COL5A1: variants seen among roughly 807,000 people sequenced by gnomAD.
COL5A1 encodes the protein collagen type V alpha 1 chain.
COL5A1 carries 16 observed loss-of-function variants against 263.7 expected under a neutral mutation model. The ratio of observed to expected loss-of-function variants is 0.06; its 90% CI spans 0.04 to 0.09. The LOEUF (loss-of-function observed/expected upper bound fraction) is 0.09. Among genes scored for constraint, COL5A1 ranks in the 10% least tolerant of loss-of-function variants. COL5A1 has a pLI of 1.00. For synonymous variants in COL5A1, 1,012 were observed against 1,004.5 expected, an observed-to-expected ratio of 1.01 and a Z score of -0.14; for missense variants, 2,036 against 2,540.5, an observed-to-expected ratio of 0.80 and a Z score of 4.27.
At chr9:134,693,228 T>A (rs1833344586) in intron 2 of COL5A1, among the ~76,000 whole-genome samples, 1 of 151,950 alleles carries the variant, frequency 6.6e-6, no homozygotes, top group African/African-American at 2.4e-5. Flanking sequence ...TTTAACCAGA[T>A]GCTAGGTGAG....
intron 2 of COL5A1, among the ~76,000 whole-genome samples, chr9:134,694,036 A>G (rs1833376519): frequency 6.6e-6 from 1 of 152,234 alleles, no homozygotes; most frequent in South Asian, 2.1e-4. Flanking sequence ...TGGCCACGGC[A>G]AGGCCTGGGC....
In COL5A1 at chr9:134,695,471, C is replaced by CGA. The variant is rs200120810; in HGVS notation, c.277+4393_277+4394dup. 6.8e-3 allele frequency among the ~76,000 whole-genome samples: 1,040 copies of CGA among 152,320 alleles called. 23 individuals are homozygous for CGA. The South Asian group carries it at 0.069, about 10-fold the overall frequency. Reference sequence around the variant, plus strand: ...GCTGGACGAGGGTGGCAGGGACGGCCGAACAGGGTGCCAGCTGCAGGGGCA... The same window carrying CGA: ...GCTGGACGAGGGTGGCAGGGACGGCCGAGAACAGGGTGCCAGCTGCAGGGGCA... On this transcript the variant is annotated intron_variant, in intron 2 of 65. Transcript: ENST00000371817.
rs371003277 is a variant in COL5A1 at position 134,838,994 on chromosome 9, A to G, written c.5371-3163A>G. Reference sequence around the variant, plus strand: ...CCCAACCACAATTTGAAAAGTCACAACCGTCTCATTTAATTACGGAGGCTG... The same window carrying G: ...CCCAACCACAATTTGAAAAGTCACAGCCGTCTCATTTAATTACGGAGGCTG... On this transcript the variant is annotated intron_variant, in intron 65 of 65. Coordinates refer to ENST00000371817, the MANE Select transcript of COL5A1 (RefSeq NM_000093.5). Among the ~76,000 whole-genome samples, 352 of 152,202 alleles carry G rather than the reference A, an allele frequency of 2.3e-3. 2 individuals carry two copies. Among genetic ancestry groups the G allele is most frequent in the African/African-American group, 8.2e-3 (339 of 41,520 alleles).
At chr9:134,838,892 G>A (rs9410001) in intron 65 of COL5A1, among the ~76,000 whole-genome samples, 81,694 of 152,198 alleles carry the variant, frequency 0.54, 23,038 homozygotes, top group Middle Eastern at 0.67. Flanking sequence ...GCTGGGGTGC[G>A]GGGCGGCCAT....
Position 134,732,912 on chromosome 9 carries a change from C to T in COL5A1, c.1389+785C>T, listed in dbSNP as rs555913131. ...TCTCAGAGCCACTAAGGTCTTGATG[C>T]CCCGCCCCGCCGCCGGCAGGCAGGA... On this transcript the variant is annotated intron_variant, in intron 9 of 65. Transcript: ENST00000371817. Among the ~76,000 whole-genome samples, 155 of 152,288 alleles carry T rather than the reference C, an allele frequency of 1.0e-3. 1 individual carries two copies. Among genetic ancestry groups the T allele is most frequent in the Admixed American group, 2.4e-3 (37 of 15,306 alleles).
rs2132611271 is a variant in COL5A1 at position 134,716,640 on chromosome 9, T to C, written c.655-10626T>C. On this transcript the variant is annotated intron_variant, in intron 4 of 65. Coordinates refer to ENST00000371817, the MANE Select transcript of COL5A1 (RefSeq NM_000093.5). The surrounding 1 kb of genome is among the most constrained non-coding windows in gnomAD (Gnocchi z 4.5). ...CCCTGCCATTGGTGCTGCCATTTCG[T>C]CCCTTGGTCTAGAGATGAGGCCCCC... Among the ~76,000 whole-genome samples, 4 of 152,220 alleles carry C rather than the reference T, an allele frequency of 2.6e-5. No individual in the cohort carries two copies. The South Asian group carries it at 8.3e-4, about 32-fold the overall frequency.
Position 134,805,037 on chromosome 9 carries a change from T to C in COL5A1, c.3177T>C (p.Pro1059=), listed in dbSNP as rs1838246958. ...KDGPPGLRGF[P]GDRGLPGPVG... ...GCCCTCCAGGATTACGTGGTTTCCC[T>C]GGGGACCGAGGGCTTCCTGGTCCAG... is the stretch of plus-strand genomic sequence containing the variant. The change falls in exon 40 of 66, where the codon CCT becomes CCC. Residue 1059 remains proline, a synonymous_variant. Coordinates refer to ENST00000371817, the MANE Select transcript of COL5A1 (RefSeq NM_000093.5). 6.2e-7 allele frequency: 1 copy of C among 1,613,922 alleles called. No individual in the cohort carries two copies. Among genetic ancestry groups the C allele is most frequent in the Non-Finnish European group, 8.5e-7 (1 of 1,180,000 alleles).
chr9:134,806,142 G>A (rs200336004), intron 41 of COL5A1, 47 bp from the exon 42 acceptor site: 46 of 1,374,526 alleles, frequency 3.3e-5, no homozygotes, highest in South Asian at 5.0e-5. Context: ...TCACGACCAC[G>A]CAGTCTGAGA....
chr9:134,804,255 G>A (rs559695816), intron 39 of COL5A1, among the ~76,000 whole-genome samples: 1 of 152,296 alleles, frequency 6.6e-6, no homozygotes, highest in South Asian at 2.1e-4. Context: ...GCGGCCACGG[G>A]CATTTGACCT....
rs1367039201 is a variant in COL5A1 at position 134,677,724 on chromosome 9, T to C, written c.110-13188T>C. On this transcript the variant is annotated intron_variant, in intron 1 of 65. Coordinates refer to ENST00000371817, the MANE Select transcript of COL5A1 (RefSeq NM_000093.5). This position sits in a 1 kb window ranked among gnomAD's most constrained non-coding sequence, Gnocchi z 4.4. ...TCCTTTCTCAGTCCGGCCATCTTAC[T>C]CCCTGTTCCTCCTTCATCTCTTCAC... Among the ~76,000 whole-genome samples, 5 of 152,232 alleles carry C rather than the reference T, an allele frequency of 3.3e-5. No individual in the cohort carries two copies. Among genetic ancestry groups the C allele is most frequent in the Admixed American group, 2.6e-4 (4 of 15,292 alleles).
At chr9:134,825,474 G>A in intron 62 of COL5A1, among the ~76,000 whole-genome samples, 1 of 152,134 alleles carries the variant, frequency 6.6e-6, no homozygotes, top group East Asian at 1.9e-4. Context: ...AATTTCCAGA[G>A]TTCCTTCCAG....
chr9:134,801,892 G>A, intron 37 of COL5A1, 62 bp from the exon 38 acceptor site: 1 of 1,484,696 alleles, frequency 6.7e-7, no homozygotes, highest in African/African-American at 1.4e-5. Flanking sequence ...GCTGAGAACA[G>A]TGCAGGGCAG....
chr9:134,819,684 T>C (rs1471743656), intron 57 of COL5A1, among the ~76,000 whole-genome samples: 3 of 152,226 alleles, frequency 2.0e-5, no homozygotes, highest in African/African-American at 7.2e-5. Context: ...CTTCTTTTTT[T>C]AGAAAAACAA....
intron 62 of COL5A1, 129 bp downstream of exon 62, chr9:134,824,984 T>C (rs1839205184): frequency 1.4e-5 from 18 of 1,305,394 alleles, no homozygotes; most frequent in Non-Finnish European, 1.9e-5. Context: ...AGCCTCCCCA[T>C]CTGTGGGGCC....
intron 59 of COL5A1, 182 bp from the exon 60 acceptor site, chr9:134,822,816 T>TG (rs1311001725): frequency 2.8e-5 from 20 of 723,318 alleles, no homozygotes; most frequent in Middle Eastern, 7.5e-4. Flanking sequence ...CCACGAGGGG[T>TG]GAGCACCAGC....
chr9:134,658,689 C>T (rs574664636), intron 1 of COL5A1, among the ~76,000 whole-genome samples: 130 of 151,966 alleles, frequency 8.6e-4, no homozygotes, highest in Non-Finnish European at 1.6e-3. Context: ...GTACCCTGCC[C>T]GGCTTCTGTC....
intron 4 of COL5A1, among the ~76,000 whole-genome samples, chr9:134,719,059 G>A (rs959455002): frequency 1.3e-5 from 2 of 152,192 alleles, no homozygotes; most frequent in African/African-American, 4.8e-5. Context: ...GTTGGAGCGG[G>A]GAAGTGGGGT....
At chr9:134,698,111 A>G (rs1833547356) in intron 2 of COL5A1, among the ~76,000 whole-genome samples, 1 of 152,170 alleles carries the variant, frequency 6.6e-6, no homozygotes, top group Non-Finnish European at 1.5e-5. Flanking sequence ...AAACCCAAAA[A>G]AACAAAGCTG....
At position 134,757,807 on chromosome 9, in the gene COL5A1, C is replaced by T. The variant is rs1295959847; in HGVS notation, c.1882-436C>T. Among the ~76,000 whole-genome samples, 1 of 152,166 alleles carries T rather than the reference C, an allele frequency of 6.6e-6. No individual in the cohort carries two copies. Reference sequence around the variant, plus strand: ...AGGGTAGCCAGTGCTGGCCCGTCCACCAATGGGTACGCGTACCTCCTGAGC... The same window carrying T: ...AGGGTAGCCAGTGCTGGCCCGTCCATCAATGGGTACGCGTACCTCCTGAGC... On this transcript the variant is annotated intron_variant, in intron 17 of 65. Coordinates refer to ENST00000371817, the MANE Select transcript of COL5A1 (RefSeq NM_000093.5). The surrounding 1 kb of genome is among the most constrained non-coding windows in gnomAD (Gnocchi z 6.2).
Sources: gnomAD v4.1 joint callset for allele counts (sites outside exome capture counted in the v4.1 genomes callset) on GRCh38, gnomAD v4.1.1 for gene constraint, Gnocchi (gnomAD v3.1) non-coding constraint, MANE v1.5 for transcripts, NCBI Gene and HGNC (gene_info 2026-07-23, HGNC 2026-07-21) for gene names.